TMEM150C: variants seen among roughly 807,000 people sequenced by gnomAD.
TMEM150C encodes the protein transmembrane protein 150C.
TMEM150C carries 10 observed loss-of-function variants against 29.9 expected under a neutral mutation model. That is an observed-to-expected ratio of 0.33 (90% confidence interval 0.21 to 0.57). TMEM150C has a LOEUF of 0.57. TMEM150C is among the 20% of genes least tolerant of loss of function. The pLI, the probability that TMEM150C is intolerant of heterozygous loss-of-function variation, is 0.88. For missense variants in TMEM150C, 251 were observed against 303.6 expected, an observed-to-expected ratio of 0.83 and a Z score of 1.29; for synonymous variants, 101 against 112.5, an observed-to-expected ratio of 0.90 and a Z score of 0.64.
intron 1 of TMEM150C, among the ~76,000 whole-genome samples, chr4:82,530,870 T>A (rs533834053): frequency 1.3e-4 from 20 of 152,306 alleles, no homozygotes; most frequent in Non-Finnish European, 2.4e-4. Flanking sequence ...ACGTCTTACA[T>A]GGCCGGAGCA....
chr4:82,549,869 G>A (rs1160356154), intron 1 of TMEM150C, among the ~76,000 whole-genome samples: 1 of 152,174 alleles, frequency 6.6e-6, no homozygotes, highest in East Asian at 1.9e-4. Flanking sequence ...GAAGGAGCTA[G>A]CAAAGAGCAG....
At chr4:82,495,376 G>C (rs1456969648) in intron 6 of TMEM150C, 14 of 248,038 alleles carry the variant, frequency 5.6e-5, no homozygotes, top group Non-Finnish European at 8.7e-5. Flanking sequence ...GGGAGGCGGA[G>C]GTTGCAGTAA....
At chr4:82,506,113 G>GA (rs1323999837) in intron 1 of TMEM150C, among the ~76,000 whole-genome samples, 2 of 151,892 alleles carry the variant, frequency 1.3e-5, no homozygotes, top group African/African-American at 4.8e-5. Context: ...TACAATTAAA[G>GA]AAAGTTTGTT....
chr4:82,487,919 CTTTTTA>C (rs1311300987), intron 7 of TMEM150C, among the ~76,000 whole-genome samples: 6 of 151,608 alleles, frequency 4.0e-5, no homozygotes, highest in East Asian at 1.9e-4. Context: ...CTATTTTGAA[CTTTTTA>C]TTTATATTTA....
rs946029753 is a variant in TMEM150C at position 82,484,028 on chromosome 4, G to A, written c.*1483C>T. ...GCTGGTCTCGAGCTCCCAACCTCAGGTGATCCGCCCGCCTCAGCCTCCCAA... is the reference window on the plus strand; with the variant it reads ...GCTGGTCTCGAGCTCCCAACCTCAGATGATCCGCCCGCCTCAGCCTCCCAA... On this transcript the variant is annotated 3_prime_UTR_variant, in exon 8 of 8. Transcript: ENST00000449862. 1 of 152,026 alleles carries A rather than the reference G, an allele frequency of 6.6e-6. No individual in the cohort carries two copies. The highest frequency in any genetic ancestry group is 2.4e-5 in the African/African-American group (1 of 41,390). 9.4% of individuals were successfully genotyped at this position (152,026 alleles called of 1,614,324 possible).
At chr4:82,549,704 C>A (rs770226133) in intron 1 of TMEM150C, among the ~76,000 whole-genome samples, 1 of 152,162 alleles carries the variant, frequency 6.6e-6, no homozygotes, top group Non-Finnish European at 1.5e-5. Context: ...TTTTTCACTT[C>A]TTTTTGTAAT....
intron 1 of TMEM150C, among the ~76,000 whole-genome samples, chr4:82,550,503 T>TGAAAGAGCTG (rs1259631065): frequency 6.6e-6 from 1 of 152,024 alleles, no homozygotes; most frequent in Non-Finnish European, 1.5e-5. Flanking sequence ...GAGTAGGGTA[T>TGAAAGAGCTG]GAAAGAGCTG....
intron 1 of TMEM150C, among the ~76,000 whole-genome samples, chr4:82,546,554 C>T (rs994583802): frequency 3.9e-5 from 6 of 152,106 alleles, no homozygotes; most frequent in Admixed American, 6.5e-5. Flanking sequence ...TGGGGCCGGG[C>T]GTGGTGGCTC....
intron 1 of TMEM150C, among the ~76,000 whole-genome samples, chr4:82,560,712 A>G (rs904581926): frequency 6.6e-6 from 1 of 152,202 alleles, no homozygotes; most frequent in African/African-American, 2.4e-5. Flanking sequence ...ATAAATCCAC[A>G]CTCAACTATC....
chr4:82,502,936 TAAAA>T lies in TMEM150C; in HGVS notation c.135-13_135-10del. The T allele has an allele frequency of 1.5e-6, 2 of 1,303,788 alleles. No homozygotes were observed. Among genetic ancestry groups the T allele is most frequent in the Non-Finnish European group, 2.1e-6 (2 of 952,216 alleles). The allele number at this position is 1,303,788 out of a possible 1,614,324, so 80.8% of individuals were successfully genotyped here. A position where few individuals can be genotyped will look rare whatever the true frequency, so the allele number is the denominator to read the frequency against. On this transcript the variant is annotated splice_polypyrimidine_tract_variant and intron_variant, in intron 3 of 7. Transcript: ENST00000449862. ...GCTTCACACCAGGTTTCCTGGATAA[TAAAA>T]AAAAAAAACACAGAAGCTCAGGTTA...
intron 1 of TMEM150C, 63 bp from the exon 2 acceptor site, chr4:82,504,730 A>G (rs2110070190): frequency 7.0e-7 from 1 of 1,422,170 alleles, no homozygotes; most frequent in Non-Finnish European, 9.7e-7. Context: ...CTTTCAAGAT[A>G]GAAAGTTTAG....
chr4:82,561,759 G>T, intron 1 of TMEM150C, 147 bp downstream of exon 1: 1 of 515,818 alleles, frequency 1.9e-6, no homozygotes. Context: ...GCCGAGCAGG[G>T]CCCCGCAGCC....
At chr4:82,511,814 C>T (rs1724136574) in intron 1 of TMEM150C, among the ~76,000 whole-genome samples, 1 of 152,214 alleles carries the variant, frequency 6.6e-6, no homozygotes, top group African/African-American at 2.4e-5. Context: ...TTCCCTTCTA[C>T]CAGCACTTCA....
intron 6 of TMEM150C, chr4:82,490,860 T>G (rs2110062707): frequency 1.5e-6 from 1 of 678,054 alleles, no homozygotes; most frequent in East Asian, 3.0e-5. Context: ...AGCCTTTGCC[T>G]TTTTGAGCTT....
intron 1 of TMEM150C, among the ~76,000 whole-genome samples, chr4:82,505,063 A>G (rs1028331983): frequency 1.3e-5 from 2 of 152,232 alleles, no homozygotes; most frequent in African/African-American, 4.8e-5. Flanking sequence ...TCTAACTGAA[A>G]AAAAAAGTGT....
chr4:82,491,214 C>T (rs1723334527), intron 6 of TMEM150C: 6 of 689,042 alleles, frequency 8.7e-6, no homozygotes, highest in African/African-American at 1.8e-5. Context: ...AACTCCTACT[C>T]GAAGGGCAGG....
intron 6 of TMEM150C, chr4:82,490,963 C>T: frequency 1.4e-6 from 1 of 730,578 alleles, no homozygotes; most frequent in Non-Finnish European, 2.5e-6. Context: ...GTCCTGATAG[C>T]TTCCACCCGC....
chr4:82,490,936 A>C (rs965659566), intron 6 of TMEM150C: 2 of 725,140 alleles, frequency 2.8e-6, no homozygotes, highest in African/African-American at 3.5e-5. Flanking sequence ...ATCTCATCGG[A>C]TCTGTTTTTG....
At chr4:82,559,720 G>T (rs764315419) in intron 1 of TMEM150C, among the ~76,000 whole-genome samples, 1 of 152,160 alleles carries the variant, frequency 6.6e-6, no homozygotes, top group Non-Finnish European at 1.5e-5. Context: ...TAATCACACC[G>T]TAGTGCTGAT....
Sources: allele counts gnomAD v4.1 joint callset (sites outside exome capture counted in the v4.1 genomes callset), GRCh38; gene constraint gnomAD v4.1.1; transcripts MANE v1.5; gene names NCBI Gene and HGNC (gene_info 2026-07-23, HGNC 2026-07-21).